C6orf89: variants seen among roughly 807,000 people sequenced by gnomAD.
C6orf89 encodes bombesin receptor-activated protein C6orf89.
C6orf89 carries 29 observed loss-of-function variants against 40.7 expected under a neutral mutation model. The observed-to-expected ratio is 0.71, with a 90% CI of 0.53 to 0.97. The LOEUF (loss-of-function observed/expected upper bound fraction) is 0.97. C6orf89 is among the 50% of genes least tolerant of loss of function. The probability of loss-of-function intolerance (pLI) is 0.00; values close to 1 mark genes in which losing one functional copy is unlikely to be tolerated. For synonymous variants in C6orf89, 165 were observed against 152.2 expected, an observed-to-expected ratio of 1.08 and a Z score of -0.62; for missense variants, 392 against 429.1, an observed-to-expected ratio of 0.91 and a Z score of 0.76.
chr6:36,882,169 C>T (rs1222519697), upstream of C6orf89, among the ~76,000 whole-genome samples: 2 of 152,014 alleles, frequency 1.3e-5, no homozygotes, highest in African/African-American at 2.4e-5. Flanking sequence ...CTGTTTTTTC[C>T]TTTAAAATTT....
intron 2 of C6orf89, among the ~76,000 whole-genome samples, chr6:36,896,058 T>G (rs10947639): frequency 0.2 from 31,165 of 152,238 alleles, 3,295 homozygotes; most frequent in East Asian, 0.3. Context: ...TTGATCTGCA[T>G]TTCTCTGATG....
intron 8 of C6orf89, 59 bp from the exon 9 acceptor site, chr6:36,923,288 C>G: frequency 7.4e-7 from 1 of 1,350,580 alleles, no homozygotes; most frequent in Non-Finnish European, 1.1e-6. Flanking sequence ...TTGCTCGTGC[C>G]CACAGGTGTG....
At chr6:36,917,865 G>A (rs939342840) in intron 7 of C6orf89, among the ~76,000 whole-genome samples, 1 of 152,172 alleles carries the variant, frequency 6.6e-6, no homozygotes, top group African/African-American at 2.4e-5. Flanking sequence ...TCCAGCGTGT[G>A]CAACACCAAG....
rs1368512432 is a variant in C6orf89, at chr6:36,899,472, A to T, written c.28A>T (p.Ile10Phe). The stretch of plus-strand genomic sequence containing the variant: ...GGATCTTGCTGCCAACGAGATCAGC[A>T]TTTATGACAAACTTTCAGAGACTGT... MDLAANEIS[I>F]YDKLSETVDL... The change falls in exon 3 of 9, where the codon ATT becomes TTT. Residue 10 changes from isoleucine to phenylalanine, a missense_variant. By Grantham distance (21) the Ile-to-Phe change is conservative. Coordinates refer to ENST00000480824, the MANE Select transcript of C6orf89 (RefSeq NM_001286635.2). 1.9e-6 allele frequency: 3 copies of T among 1,614,202 alleles called. No individual in the cohort carries two copies.
upstream of C6orf89, among the ~76,000 whole-genome samples, chr6:36,884,297 G>A (rs946871027): frequency 5.3e-5 from 8 of 152,120 alleles, no homozygotes; most frequent in East Asian, 1.3e-3. This position sits in a 1 kb window ranked among gnomAD's most constrained non-coding sequence, Gnocchi z 4.0. Context: ...TCCAGTTGTA[G>A]GGGATTAGTG....
intron 4 of C6orf89, among the ~76,000 whole-genome samples, chr6:36,913,972 G>T (rs889351404): frequency 1.3e-5 from 2 of 152,108 alleles, no homozygotes; most frequent in Admixed American, 6.5e-5. Context: ...ACCAGCCTGG[G>T]CAACATGGCA....
chr6:36,873,264 A>C (rs987137903), intron 1 of C6orf89, among the ~76,000 whole-genome samples: 16 of 152,244 alleles, frequency 1.1e-4, no homozygotes, highest in African/African-American at 3.9e-4. Flanking sequence ...TAAGGATACA[A>C]TATGTGCAAG....
At chr6:36,905,162 A>G (rs1561868072) in intron 4 of C6orf89, among the ~76,000 whole-genome samples, 1 of 152,206 alleles carries the variant, frequency 6.6e-6, no homozygotes, top group African/African-American at 2.4e-5. Context: ...TAATCTTGAC[A>G]ACATCCCTAT....
At position 36,906,185 on chromosome 6, in the gene C6orf89, G is replaced by A. The variant is rs78512116; in HGVS notation, c.403+3751G>A. 1.9e-3 allele frequency among the ~76,000 whole-genome samples: 287 copies of A among 152,310 alleles called. 5 individuals carry two copies. In the East Asian group the frequency reaches 0.046, roughly 25 times the overall value. On this transcript the variant is annotated intron_variant, in intron 4 of 8. Coordinates refer to ENST00000480824, the MANE Select transcript of C6orf89 (RefSeq NM_001286635.2). ...GCAACATCAAGAAGTTTTGGAAATAGCAAATCATTTATTGGCCTCAAACTA... is the reference window on the plus strand; with the variant it reads ...GCAACATCAAGAAGTTTTGGAAATAACAAATCATTTATTGGCCTCAAACTA...
At chr6:36,919,518 C>A in intron 7 of C6orf89, 60 bp from the exon 8 acceptor site, 1 of 1,565,440 alleles carries the variant, frequency 6.4e-7, no homozygotes, top group Non-Finnish European at 8.7e-7. Context: ...TACTAAACCC[C>A]CTGGTTTTAT....
At chr6:36,910,257 TTTAG>T (rs1343813828) in intron 4 of C6orf89, among the ~76,000 whole-genome samples, 6 of 152,190 alleles carry the variant, frequency 3.9e-5, no homozygotes, top group African/African-American at 1.4e-4. Context: ...GCCCAGCTCC[TTTAG>T]TTATTTTTAA....
Position 36,914,206 on chromosome 6 carries a change from G to A in C6orf89, c.404-78G>A, listed in dbSNP as rs1762229641. On this transcript the variant is annotated intron_variant, in intron 4 of 8. Coordinates refer to ENST00000480824, the MANE Select transcript of C6orf89 (RefSeq NM_001286635.2). ...GTCATTATGATGTCTTTCCTTTCTT[G>A]TTTCATTGTTGGAGCTACTGGATGT... 5 of 1,259,166 alleles carry A rather than the reference G, an allele frequency of 4.0e-6. No individual in the cohort carries two copies. The East Asian group carries it at 1.2e-4, about 29-fold the overall frequency. 78.0% of individuals were successfully genotyped at this position (1,259,166 alleles called of 1,614,324 possible).
rs1246101999 is a variant in C6orf89, at chr6:36,894,532, T to C, written c.-91T>C. 30 of 985,292 alleles carry C rather than the reference T, an allele frequency of 3.0e-5. No individual in the cohort carries two copies. In the Admixed American group the frequency reaches 1.8e-3, roughly 61 times the overall value. 61.0% of individuals were successfully genotyped at this position (985,292 alleles called of 1,614,324 possible). A position where few individuals can be genotyped will look rare whatever the true frequency, so the allele number is the denominator to read the frequency against. On this transcript the variant is annotated 5_prime_UTR_variant, in exon 2 of 9. Transcript: ENST00000480824. ...TCATTGTAGTCAATCATTTTCCAGTTCTCAGCCGCTCAGTTGTGATCAAGG... is the reference window on the plus strand; with the variant it reads ...TCATTGTAGTCAATCATTTTCCAGTCCTCAGCCGCTCAGTTGTGATCAAGG...
rs532474155 is a variant in C6orf89 at position 36,909,529 on chromosome 6, T to C, written c.404-4755T>C. Among the ~76,000 whole-genome samples the C allele has an allele frequency of 2.6e-5, 4 of 152,318 alleles. No homozygotes were observed. The East Asian group carries it at 7.7e-4, about 29-fold the overall frequency. On this transcript the variant is annotated intron_variant, in intron 4 of 8. Coordinates refer to ENST00000480824, the MANE Select transcript of C6orf89 (RefSeq NM_001286635.2). ...GTTTATAGGCCATTTATATTTATAA[T>C]ACTTTTCTGTGAATTCCTTGTTCAT... is the stretch of plus-strand genomic sequence containing the variant.
At chr6:36,906,793 A>G (rs1003354682) in intron 4 of C6orf89, among the ~76,000 whole-genome samples, 6 of 152,364 alleles carry the variant, frequency 3.9e-5, no homozygotes, top group Admixed American at 6.5e-5. Context: ...GCTATGCACA[A>G]ACAAGCTTCT....
chr6:36,902,111 T>C, intron 3 of C6orf89, 110 bp from the exon 4 acceptor site: 1 of 886,590 alleles, frequency 1.1e-6, no homozygotes. Flanking sequence ...ATGGATTAGT[T>C]CTTAAGGCAC....
Position 36,886,006 on chromosome 6 carries a change from C to T in C6orf89, c.-142C>T, listed in dbSNP as rs768225611. On this transcript the variant is annotated 5_prime_UTR_variant, in exon 1 of 9. Coordinates refer to ENST00000480824, the MANE Select transcript of C6orf89 (RefSeq NM_001286635.2). Reference sequence around the variant, plus strand: ...GCAGCTGTCCCCGAGGCGGGAGGAGCCCGAGGGGCGCGAGCCCCGCATGTG... The same window carrying T: ...GCAGCTGTCCCCGAGGCGGGAGGAGTCCGAGGGGCGCGAGCCCCGCATGTG... 9.0e-7 allele frequency: 1 copy of T among 1,111,306 alleles called. No individual in the cohort carries two copies. The allele number at this position is 1,111,306 out of a possible 1,614,324, so 68.8% of individuals were successfully genotyped here. A position where few individuals can be genotyped will look rare whatever the true frequency, so the allele number is the denominator to read the frequency against.
At chr6:36,874,950 G>A in intron 1 of C6orf89, 1 of 650,436 alleles carries the variant, frequency 1.5e-6, no homozygotes, top group South Asian at 2.0e-5. Flanking sequence ...TGGGGTGGGA[G>A]ACGAGAAGAA....
At chr6:36,897,165 G>A (rs1002821256) in intron 2 of C6orf89, among the ~76,000 whole-genome samples, 24 of 149,302 alleles carry the variant, frequency 1.6e-4, no homozygotes, top group African/African-American at 5.7e-4. Context: ...AAGAAAGAAA[G>A]GTCCAACTTC....
Sources: gnomAD v4.1 joint callset for allele counts (sites outside exome capture counted in the v4.1 genomes callset) on GRCh38, gnomAD v4.1.1 for gene constraint, Gnocchi (gnomAD v3.1) non-coding constraint, MANE v1.5 for transcripts, NCBI Gene and HGNC (gene_info 2026-07-23, HGNC 2026-07-21) for gene names.